The following DSE variants were observed in gnomAD, a reference collection of about 807,000 sequenced individuals.
The protein encoded by DSE is dermatan-sulfate epimerase.
Under a neutral mutation model 84.4 loss-of-function variants are expected in DSE, and 36 were observed. The observed-to-expected ratio is 0.43, with a 90% CI of 0.33 to 0.56. The LOEUF (loss-of-function observed/expected upper bound fraction) is 0.56. Among genes scored for constraint, DSE ranks in the 20% least tolerant of loss-of-function variants. The pLI is 0.06. For synonymous variants in DSE, 410 were observed against 430.1 expected (o/e 0.95, Z 0.58); for missense variants, 862 against 1,169.6 (o/e 0.74, Z 3.84).
At chr6:116,284,057 AC>A (rs2065539573) in intron 2 of DSE, among the ~76,000 whole-genome samples, 1 of 152,010 alleles carries the variant, frequency 6.6e-6, no homozygotes. Flanking sequence ...AAACTTCACT[AC>A]CCCCAAAGAT....
chr6:116,291,000 G>A (rs1046580448), intron 2 of DSE, among the ~76,000 whole-genome samples: 9 of 152,250 alleles, frequency 5.9e-5, no homozygotes, highest in African/African-American at 1.4e-4. Flanking sequence ...GATTGGAGGC[G>A]TAGACTTGAG....
intron 2 of DSE, among the ~76,000 whole-genome samples, chr6:116,416,574 T>C (rs1042839282): frequency 1.3e-5 from 2 of 152,112 alleles, no homozygotes; most frequent in Middle Eastern, 6.3e-3. Context: ...AAATTTATAT[T>C]AAATTTTTAT....
intron 2 of DSE, among the ~76,000 whole-genome samples, chr6:116,404,832 A>G (rs1234116309): frequency 1.3e-5 from 2 of 152,258 alleles, no homozygotes; most frequent in Non-Finnish European, 2.9e-5. Context: ...TTCTCTCTTT[A>G]TAGTATTTTT....
At chr6:116,408,945 C>T (rs763121164) in intron 2 of DSE, among the ~76,000 whole-genome samples, 3 of 152,130 alleles carry the variant, frequency 2.0e-5, no homozygotes, top group African/African-American at 4.8e-5. Context: ...CAAGGGGAGG[C>T]GATAGTTTGT....
At chr6:116,279,846 A>G in intron 2 of DSE, 1 of 1,613,038 alleles carries the variant, frequency 6.2e-7, no homozygotes, top group South Asian at 1.1e-5. Flanking sequence ...TAACAGTCGG[A>G]CCAACCGCAG....
At chr6:116,263,746 T>C (rs1327481439) in intron 2 of DSE, among the ~76,000 whole-genome samples, 2 of 152,218 alleles carry the variant, frequency 1.3e-5, no homozygotes, top group Admixed American at 6.5e-5. Context: ...AGTAATGATC[T>C]TTCCTTTCCA....
chr6:116,406,804 A>G (rs1781958889), intron 2 of DSE, among the ~76,000 whole-genome samples: 1 of 152,180 alleles, frequency 6.6e-6, no homozygotes, highest in Non-Finnish European at 1.5e-5. Flanking sequence ...CAGTGTCAAC[A>G]TGCGAGTTCT....
chr6:116,357,348 C>T (rs907577422), intron 2 of DSE, among the ~76,000 whole-genome samples: 19 of 151,998 alleles, frequency 1.3e-4, no homozygotes, highest in Non-Finnish European at 1.5e-4. Flanking sequence ...CTGGCTAACA[C>T]GGTGAAACCC....
chr6:116,353,321 G>A (rs1192096881), intron 2 of DSE, among the ~76,000 whole-genome samples: 1 of 152,134 alleles, frequency 6.6e-6, no homozygotes, highest in African/African-American at 2.4e-5. Flanking sequence ...ATGGAATTGT[G>A]CATGTGTGTG....
At chr6:116,345,803 C>A (rs1294984061) in intron 2 of DSE, among the ~76,000 whole-genome samples, 1 of 152,026 alleles carries the variant, frequency 6.6e-6, no homozygotes, top group East Asian at 1.9e-4. Context: ...ACACAGAAAA[C>A]CCTTCAAAAA....
At chr6:116,280,647 G>C (rs1773468730) in intron 2 of DSE, among the ~76,000 whole-genome samples, 1 of 152,224 alleles carries the variant, frequency 6.6e-6, no homozygotes, top group Admixed American at 6.5e-5. Context: ...CTCTAACGAA[G>C]CATCTGTCTT....
intron 2 of DSE, among the ~76,000 whole-genome samples, chr6:116,261,094 T>C (rs1772393748): frequency 6.6e-6 from 1 of 152,250 alleles, no homozygotes; most frequent in Non-Finnish European, 1.5e-5. Context: ...TATAACAATA[T>C]TGATTCTTCC....
At position 116,441,563 on chromosome 6, in the gene DSE, T is replaced by C. The variant is rs927474621; in HGVS notation, c.*4218T>C. ...CTCTCTTACCCATTCTTTATACTTA[T>C]TGGAAGATAATAGGTGCTATGGAAG... is the stretch of plus-strand genomic sequence containing the variant. On this transcript the variant is annotated 3_prime_UTR_variant, in exon 6 of 6. Coordinates refer to ENST00000644252, the MANE Select transcript of DSE (RefSeq NM_013352.4). 6 of 152,186 alleles carry C rather than the reference T, an allele frequency of 3.9e-5. No individual in the cohort carries two copies. Among genetic ancestry groups the C allele is most frequent in the Non-Finnish European group, 8.8e-5 (6 of 68,046 alleles). The allele number at this position is 152,186 out of a possible 1,614,324, so 9.4% of individuals were successfully genotyped here. A position where few individuals can be genotyped will look rare whatever the true frequency, so the allele number is the denominator to read the frequency against.
chr6:116,412,832 C>G (rs952593396), intron 2 of DSE: 3 of 151,798 alleles, frequency 2.0e-5, no homozygotes, highest in African/African-American at 7.3e-5. Flanking sequence ...TAGGAAGTTT[C>G]TCAACCCTTG....
chr6:116,278,370 G>T, intron 2 of DSE: 1 of 995,324 alleles, frequency 1.0e-6, no homozygotes, highest in Non-Finnish European at 1.5e-6. Context: ...TTGAGGTTGA[G>T]AGAACTGAAT....
intron 2 of DSE, among the ~76,000 whole-genome samples, chr6:116,402,635 A>G (rs2115002311): frequency 6.6e-6 from 1 of 152,292 alleles, no homozygotes; most frequent in Middle Eastern, 3.4e-3. Flanking sequence ...TGGTATATGT[A>G]GGCTCCAAGG....
At chr6:116,282,085 A>G (rs1271031104) in intron 2 of DSE, among the ~76,000 whole-genome samples, 5 of 152,242 alleles carry the variant, frequency 3.3e-5, no homozygotes, top group South Asian at 2.1e-4. Flanking sequence ...GACTACCAGC[A>G]CTGTATTTCC....
At chr6:116,398,024 A>G (rs1781366107) in intron 1 of DSE, among the ~76,000 whole-genome samples, 2 of 152,146 alleles carry the variant, frequency 1.3e-5, no homozygotes, top group African/African-American at 4.8e-5. Context: ...TCCTTGGAAA[A>G]ACAGTTTGTG....
chr6:116,381,528 C>A (rs1056858241), intron 1 of DSE, among the ~76,000 whole-genome samples: 1 of 152,118 alleles, frequency 6.6e-6, no homozygotes, highest in African/African-American at 2.4e-5. Flanking sequence ...GTCTTGGCTT[C>A]TTCACATTCT....
Sources: gnomAD v4.1 joint callset for allele counts (sites outside exome capture counted in the v4.1 genomes callset) on GRCh38, gnomAD v4.1.1 for gene constraint, MANE v1.5 for transcripts, NCBI Gene and HGNC (gene_info 2026-07-23, HGNC 2026-07-21) for gene names.